The following LRRC37B variants were observed in gnomAD, a reference collection of about 807,000 sequenced individuals.
LRRC37B encodes the protein leucine rich repeat containing 37B, also known as leucine-rich repeat-containing protein 37B.
LRRC37B carries 28 observed loss-of-function variants against 98.3 expected under a neutral mutation model. The observed-to-expected ratio is 0.28, with a 90% CI of 0.21 to 0.39. LRRC37B has a LOEUF of 0.39. Among genes scored for constraint, LRRC37B ranks in the 10% least tolerant of loss-of-function variants. The pLI, the probability that LRRC37B is intolerant of heterozygous loss-of-function variation, is 1.00. For synonymous variants in LRRC37B, 364 were observed against 442.7 expected (o/e 0.82, Z 2.23); for missense variants, 938 against 1,182.7 (o/e 0.79, Z 3.03).
chr17:32,015,830 AATTGCCTGTAATAT>A (rs1223160382), intron 1 of LRRC37B, among the ~76,000 whole-genome samples: 1 of 152,220 alleles, frequency 6.6e-6, no homozygotes, highest in Non-Finnish European at 1.5e-5. Flanking sequence ...GGGCATGAGT[AATTGCCTGTAATAT>A]AATCGTGCTC....
At chr17:32,018,671 TG>T (rs948072044), upstream of LRRC37B, among the ~76,000 whole-genome samples, 2 of 151,990 alleles carry the variant, frequency 1.3e-5, no homozygotes, top group African/African-American at 4.8e-5. Context: ...ACCAGAGATG[TG>T]GGGGGAATGT....
intron 5 of LRRC37B, among the ~76,000 whole-genome samples, chr17:32,032,571 A>G (rs1464812023): frequency 2.0e-5 from 3 of 152,176 alleles, no homozygotes; most frequent in Admixed American, 2.0e-4. Context: ...TTTAGAAAAT[A>G]CTTTCCACCT....
intron 2 of LRRC37B, among the ~76,000 whole-genome samples, chr17:32,026,253 G>T (rs542021461): frequency 3.3e-5 from 5 of 152,092 alleles, no homozygotes; most frequent in African/African-American, 1.2e-4. Flanking sequence ...AGTGGCTCAC[G>T]CCTGTAACCC....
chr17:32,042,074 T>C (rs1911456344), intron 7 of LRRC37B: 1 of 334,316 alleles, frequency 3.0e-6, no homozygotes, highest in South Asian at 2.2e-5. Context: ...ACACATGCAC[T>C]CCTTCTCCCC....
chr17:32,016,789 A>G (rs1184513676), upstream of LRRC37B: 1 of 152,224 alleles, frequency 6.6e-6, no homozygotes, highest in Non-Finnish European at 1.5e-5. Context: ...AATCACCTGA[A>G]GATTGTGAGA....
At chr17:32,040,831 A>C (rs1911404776) in intron 7 of LRRC37B, 3 of 812,738 alleles carry the variant, frequency 3.7e-6, no homozygotes, top group African/African-American at 1.7e-5. Flanking sequence ...ATAGAGGTCA[A>C]GCAGAACTTC....
intron 7 of LRRC37B, chr17:32,041,289 C>T (rs747649487): frequency 3.2e-5 from 24 of 758,788 alleles, no homozygotes; most frequent in African/African-American, 8.5e-5. Flanking sequence ...ATCCCCTTTC[C>T]GATCTTCCGA....
At chr17:32,039,601 T>C (rs900667852) in intron 7 of LRRC37B, among the ~76,000 whole-genome samples, 2 of 133,232 alleles carry the variant, frequency 1.5e-5, no homozygotes, top group Admixed American at 8.3e-5. Context: ...TTTATATATA[T>C]TATATATATA....
At chr17:32,035,429 C>A (rs140978326) in intron 6 of LRRC37B, 136 bp from the exon 10 acceptor site, 5 of 897,992 alleles carry the variant, frequency 5.6e-6, no homozygotes, top group African/African-American at 5.2e-5. Context: ...TGGAATTTTA[C>A]GGCAAATAAA....
intron 7 of LRRC37B, among the ~76,000 whole-genome samples, chr17:32,043,818 T>C (rs575547808): frequency 6.6e-6 from 1 of 152,190 alleles, no homozygotes; most frequent in South Asian, 2.1e-4. Flanking sequence ...TACTCTTCTG[T>C]TTCCACAGTC....
chr17:32,026,617 CAG>C (rs1256322243), intron 2 of LRRC37B, among the ~76,000 whole-genome samples: 3 of 152,138 alleles, frequency 2.0e-5, no homozygotes, highest in Non-Finnish European at 4.4e-5. Flanking sequence ...TGAGTAGAGA[CAG>C]AGTTTCACCA....
At chr17:32,025,505 T>C (rs1268959374) in intron 2 of LRRC37B, among the ~76,000 whole-genome samples, 1 of 151,658 alleles carries the variant, frequency 6.6e-6, no homozygotes, top group Non-Finnish European at 1.5e-5. Flanking sequence ...AATAGATTTG[T>C]TGTGTGGTTT....
chr17:32,042,868 A>G (rs551793986), intron 7 of LRRC37B: 2 of 152,298 alleles, frequency 1.3e-5, no homozygotes, highest in South Asian at 4.1e-4. Flanking sequence ...ACAAAATGCA[A>G]TGTCTGATGT....
At chr17:32,013,753 A>G (rs1358296863) in intron 1 of LRRC37B, among the ~76,000 whole-genome samples, 1 of 148,968 alleles carries the variant, frequency 6.7e-6, no homozygotes, top group Non-Finnish European at 1.5e-5. Context: ...TACACTTTCA[A>G]TGTATGTAGG....
exon 1 of LRRC37B, chr17:32,021,417 A>G (rs761618174): frequency 2.3e-5 from 37 of 1,613,642 alleles, no homozygotes; most frequent in Non-Finnish European, 2.8e-5. Flanking sequence ...TCAGGAACCA[A>G]CTGAAAATTT....
In LRRC37B at chr17:32,021,153, T is replaced by C. The variant is rs191214937; in HGVS notation, c.88T>C (p.Trp30Arg). 3 of 1,613,860 alleles carry C rather than the reference T, an allele frequency of 1.9e-6. No individual in the cohort carries two copies. The African/African-American group carries it at 4.0e-5, about 22-fold the overall frequency. ...CATAGCACCAGCGTGTGTCATGTCTTGGCTGCGTTTCTGGGGCCCATGGCC... is the reference window on the plus strand; with the variant it reads ...CATAGCACCAGCGTGTGTCATGTCTCGGCTGCGTTTCTGGGGCCCATGGCC... The change falls in exon 1 of 12, where the codon TGG becomes CGG. Residue 30 changes from tryptophan (W) to arginine (R), a missense_variant. Physicochemically the swap from Trp to Arg is moderately radical, Grantham distance 101 (BLOSUM62 -3). Around this residue, in one of 2 missense-constraint regions of LRRC37B, gnomAD observed 610 missense variants for 625.6 expected, o/e 0.98. Transcript: ENST00000327564.
rs975726339 is a variant in LRRC37B, at chr17:32,048,678, C to T, written c.2465-424C>T. ...CACTCCCGTGTGGCCCACAGAACAC[C>T]GAAGGCCAAAAAGATTAGAAAGTTT... On this transcript the variant is annotated intron_variant, in intron 9 of 11. Coordinates refer to ENST00000327564, the Ensembl canonical transcript of LRRC37B. 2.6e-5 allele frequency among the ~76,000 whole-genome samples: 4 copies of T among 152,134 alleles called. No individual in the cohort carries two copies. The South Asian group carries it at 6.2e-4, about 24-fold the overall frequency.
chr17:32,037,271 A>G (rs1451709526), intron 7 of LRRC37B, among the ~76,000 whole-genome samples: 1 of 151,644 alleles, frequency 6.6e-6, no homozygotes, highest in South Asian at 2.1e-4. Context: ...GTGAGCCACC[A>G]TGTCCAGCCC....
intron 11 of LRRC37B, 26 bp from the exon 15 acceptor site, chr17:32,053,240 C>A: frequency 1.3e-6 from 2 of 1,567,280 alleles, no homozygotes; most frequent in Non-Finnish European, 1.7e-6. Context: ...GATAGATAAC[C>A]TTAATTGTGT....
Sources: gnomAD v4.1 joint callset for allele counts (sites outside exome capture counted in the v4.1 genomes callset) on GRCh38, gnomAD v4.1.1 for gene constraint, gnomAD v4.1.1 regional missense constraint, MANE v1.5 for transcripts, NCBI Gene and HGNC (gene_info 2026-07-23, HGNC 2026-07-21) for gene names.